Variants in ACTN2 observed in about 807,000 individuals in gnomAD.
ACTN2 encodes actinin alpha 2, also known as alpha-actinin-2.
ACTN2 carries 39 observed loss-of-function variants against 113.8 expected under a neutral mutation model. The ratio of observed to expected loss-of-function variants is 0.34; its 90% CI spans 0.27 to 0.45. The LOEUF (loss-of-function observed/expected upper bound fraction) is 0.45. Among genes scored for constraint, ACTN2 ranks in the 20% least tolerant of loss-of-function variants. The pLI, the probability that ACTN2 is intolerant of heterozygous loss-of-function variation, is 1.00. For missense variants in ACTN2, 992 were observed against 1,177.9 expected (o/e 0.84, Z 2.31); for synonymous variants, 429 against 444.1 (o/e 0.97, Z 0.43).
At chr1:236,741,005 A>C (rs1307686340) in intron 10 of ACTN2, among the ~76,000 whole-genome samples, 1 of 151,428 alleles carries the variant, frequency 6.6e-6, no homozygotes, top group Non-Finnish European at 1.5e-5. Context: ...TCATCTTTAT[A>C]CCCTCCAGGT....
At chr1:236,686,934 C>A in intron 1 of ACTN2, 135 bp downstream of exon 1, 1 of 1,040,840 alleles carries the variant, frequency 9.6e-7, no homozygotes, top group Non-Finnish European at 1.2e-6. Context: ...TGTGCCCTCG[C>A]AGCCCCGGGG....
chr1:236,692,973 C>T (rs755602313), intron 1 of ACTN2, among the ~76,000 whole-genome samples: 8 of 152,096 alleles, frequency 5.3e-5, no homozygotes, highest in Non-Finnish European at 1.0e-4. Flanking sequence ...ACACGGAATG[C>T]GTTGGAGGAC....
intron 1 of ACTN2, 99 bp downstream of exon 1, chr1:236,686,898 C>A: frequency 8.0e-7 from 1 of 1,255,640 alleles, no homozygotes; most frequent in Non-Finnish European, 1.0e-6. Flanking sequence ...GGCGAGAGGG[C>A]GCTTTGTGGA....
intron 1 of ACTN2, among the ~76,000 whole-genome samples, chr1:236,691,031 G>A (rs1469723810): frequency 2.0e-5 from 3 of 150,574 alleles, no homozygotes; most frequent in African/African-American, 7.3e-5. Flanking sequence ...TCCGTCTCCC[G>A]GGTTCAAGCA....
chr1:236,758,376 C>T (rs1429252813), intron 18 of ACTN2, among the ~76,000 whole-genome samples: 8 of 151,200 alleles, frequency 5.3e-5, no homozygotes, highest in Non-Finnish European at 8.8e-5. Flanking sequence ...ACCTCCGCCT[C>T]CCGGGCTCAA....
At chr1:236,704,480 C>A (rs925533138) in intron 1 of ACTN2, among the ~76,000 whole-genome samples, 2 of 152,142 alleles carry the variant, frequency 1.3e-5, no homozygotes, top group African/African-American at 2.4e-5. Flanking sequence ...AGACTGCCCC[C>A]CTTCAGACAC....
intron 1 of ACTN2, among the ~76,000 whole-genome samples, chr1:236,698,510 A>G (rs1029807005): frequency 2.0e-5 from 3 of 152,230 alleles, no homozygotes; most frequent in African/African-American, 7.2e-5. Context: ...AGGTGGTCAG[A>G]TTAGAAAAAT....
At chr1:236,752,514 C>T (rs1425201728) in intron 15 of ACTN2, among the ~76,000 whole-genome samples, 1 of 28,444 alleles carries the variant, frequency 3.5e-5, no homozygotes, top group East Asian at 9.6e-4. Context: ...GGGGTGGGGG[C>T]GGGGGGAGGA....
intron 1 of ACTN2, among the ~76,000 whole-genome samples, chr1:236,705,636 A>G (rs895235539): frequency 6.6e-5 from 10 of 152,264 alleles, no homozygotes; most frequent in Non-Finnish European, 2.9e-5. Context: ...AGGGCTGCTT[A>G]TGGACAATGC....
At chr1:236,720,060 A>G (rs773591750) in intron 3 of ACTN2, 45 bp from the exon 4 acceptor site, 39 of 1,355,148 alleles carry the variant, frequency 2.9e-5, no homozygotes, top group Non-Finnish European at 4.1e-5. Flanking sequence ...AGTTACGTAC[A>G]GACTATGTTA....
intron 20 of ACTN2, among the ~76,000 whole-genome samples, chr1:236,762,098 A>G (rs936838287): frequency 2.0e-5 from 3 of 152,190 alleles, no homozygotes; most frequent in African/African-American, 7.2e-5. Flanking sequence ...CAACCAGACT[A>G]TTTGGCTGGA....
intron 9 of ACTN2, among the ~76,000 whole-genome samples, chr1:236,739,011 C>G (rs1225119622): frequency 6.6e-6 from 1 of 152,082 alleles, no homozygotes; most frequent in African/African-American, 2.4e-5. Context: ...CAGCATTTGT[C>G]TGCTAATGTC....
chr1:236,716,269 A>G (rs1658209313), intron 1 of ACTN2, among the ~76,000 whole-genome samples: 1 of 152,022 alleles, frequency 6.6e-6, no homozygotes, highest in South Asian at 2.1e-4. Context: ...GATAGGTTGA[A>G]GTTTTCATCT....
Position 236,761,998 on chromosome 1 carries a change from A to T in ACTN2, c.2527-463A>T, listed in dbSNP as rs575278538. Reference sequence around the variant, plus strand: ...AACCATGGCTCCTCCAACCCCACTAAGAAACTTCTACTATAAATTATATAA... The same window carrying T: ...AACCATGGCTCCTCCAACCCCACTATGAAACTTCTACTATAAATTATATAA... On this transcript the variant is annotated intron_variant, in intron 20 of 20. Transcript: ENST00000366578. 5.3e-4 allele frequency among the ~76,000 whole-genome samples: 80 copies of T among 152,342 alleles called. 3 individuals carry two copies. The South Asian group carries it at 0.015, about 28-fold the overall frequency.
chr1:236,713,542 T>C (rs1450402016), intron 1 of ACTN2, among the ~76,000 whole-genome samples: 7 of 151,848 alleles, frequency 4.6e-5, no homozygotes, highest in Non-Finnish European at 1.0e-4. Context: ...TAGAACAATG[T>C]ATATCCTATG....
At chr1:236,745,901 C>A (rs558561420) in intron 12 of ACTN2, among the ~76,000 whole-genome samples, 2 of 152,132 alleles carry the variant, frequency 1.3e-5, no homozygotes, top group Non-Finnish European at 2.9e-5. Flanking sequence ...CAGTGGCTCA[C>A]GCCTGTAACC....
intron 18 of ACTN2, among the ~76,000 whole-genome samples, chr1:236,758,303 A>ATTTTTTTTTTT (rs1349813845): frequency 2.5e-4 from 34 of 135,874 alleles, no homozygotes; most frequent in Non-Finnish European, 4.0e-4. Context: ...TTTTTTTTTA[A>ATTTTTTTTTTT]TGAGACGGAG....
chr1:236,721,886 TA>T (rs1658407602), intron 4 of ACTN2, among the ~76,000 whole-genome samples: 1 of 152,182 alleles, frequency 6.6e-6, no homozygotes, highest in South Asian at 2.1e-4. Flanking sequence ...AACTTAATTA[TA>T]TTTCAAGTGT....
chr1:236,735,063 G>T (rs1379882137), intron 7 of ACTN2, among the ~76,000 whole-genome samples: 1 of 152,090 alleles, frequency 6.6e-6, no homozygotes. Context: ...TTCTATAAGC[G>T]GTATGGTAAG....
Sources: allele counts gnomAD v4.1 joint callset (sites outside exome capture counted in the v4.1 genomes callset), GRCh38; gene constraint gnomAD v4.1.1; transcripts MANE v1.5; gene names NCBI Gene and HGNC (gene_info 2026-07-23, HGNC 2026-07-21).